The following NEK10 variants were observed in gnomAD, a reference collection of about 807,000 sequenced individuals.
The protein encoded by NEK10 is NIMA related kinase 10.
NEK10 carries 122 observed loss-of-function variants against 159.8 expected under a neutral mutation model. That is an observed-to-expected ratio of 0.76 (90% CI 0.66 to 0.89). The LOEUF is 0.89. Among genes scored for constraint, NEK10 ranks in the 40% least tolerant of loss-of-function variants. NEK10 has a pLI of 0.00. For synonymous variants in NEK10, 466 were observed against 457.1 expected (o/e 1.02, Z -0.25); for missense variants, 1,342 against 1,323.1 (o/e 1.01, Z -0.22).
chr3:27,293,764 G>T (rs1387080400), intron 15 of NEK10, 112 bp from the exon 16 acceptor site: 1 of 570,974 alleles, frequency 1.8e-6, no homozygotes, highest in Non-Finnish European at 3.1e-6. Context: ...GTAAGTGGCT[G>T]GTCCAAGTTG....
intron 35 of NEK10, among the ~76,000 whole-genome samples, 187 bp from the exon 36 acceptor site, chr3:27,111,507 G>T (rs961547143): frequency 6.6e-6 from 1 of 152,114 alleles, no homozygotes; most frequent in Non-Finnish European, 1.5e-5. Context: ...TGCTAACAAG[G>T]CCTTTCTCAA....
chr3:27,343,311 G>C (rs1201729770), intron 5 of NEK10, among the ~76,000 whole-genome samples: 2 of 152,192 alleles, frequency 1.3e-5, no homozygotes, highest in Admixed American at 1.3e-4. Context: ...TGGAGGACCT[G>C]TCAGAATGCT....
intron 30 of NEK10, among the ~76,000 whole-genome samples, chr3:27,144,942 G>A (rs1346238667): frequency 1.3e-5 from 2 of 151,894 alleles, no homozygotes; most frequent in African/African-American, 4.8e-5. Flanking sequence ...GGCTCGTCTT[G>A]AACTCCTGGC....
At chr3:27,244,816 T>G (rs1017823607) in intron 23 of NEK10, among the ~76,000 whole-genome samples, 1 of 152,166 alleles carries the variant, frequency 6.6e-6, no homozygotes, top group African/African-American at 2.4e-5. Flanking sequence ...ACTCCCACTA[T>G]GTGCCCACAC....
rs1037949948 is a variant in NEK10, at chr3:27,330,507, T to A, written c.363-8246A>T. 2.0e-5 allele frequency among the ~76,000 whole-genome samples: 3 copies of A among 152,180 alleles called. No individual in the cohort carries two copies. In the South Asian group the frequency reaches 6.2e-4, roughly 32 times the overall value. On this transcript the variant is annotated intron_variant, in intron 5 of 35. Coordinates refer to ENST00000691995, the MANE Select transcript of NEK10 (RefSeq NM_001394966.1). ...AAAAAGCATAAAATTGTTAAAAGATTAGAAGGAAATGTAGCAAAAGTTAAT... is the reference window on the plus strand; with the variant it reads ...AAAAAGCATAAAATTGTTAAAAGATAAGAAGGAAATGTAGCAAAAGTTAAT...
At position 27,293,710 on chromosome 3, in the gene NEK10, T is replaced by G. The variant is rs565395877; in HGVS notation, c.1309-58A>C. The G allele has an allele frequency of 8.5e-6, 8 of 946,634 alleles. No homozygotes were observed. In the East Asian group the frequency reaches 1.9e-4, roughly 23 times the overall value. 58.6% of individuals were successfully genotyped at this position (946,634 alleles called of 1,614,324 possible). A position where few individuals can be genotyped will look rare whatever the true frequency, so the allele number is the denominator to read the frequency against. ...GGTAGCTCAACAAATTAAAACATTT[T>G]CAGGAAAGAATTAACAGGAAGTAAA... On this transcript the variant is annotated intron_variant, in intron 15 of 35. Coordinates refer to ENST00000691995, the MANE Select transcript of NEK10 (RefSeq NM_001394966.1).
intron 30 of NEK10, among the ~76,000 whole-genome samples, chr3:27,152,382 C>A (rs1369931815): frequency 6.6e-6 from 1 of 152,096 alleles, no homozygotes; most frequent in African/African-American, 2.4e-5. Flanking sequence ...AACTTTGTAT[C>A]CAACAAAACT....
chr3:27,230,722 C>G (rs1235456382), intron 23 of NEK10, among the ~76,000 whole-genome samples: 1 of 151,836 alleles, frequency 6.6e-6, no homozygotes, highest in African/African-American at 2.4e-5. Flanking sequence ...AATAGCAATT[C>G]TTATATGAGA....
At chr3:27,299,312 G>A (rs2043613787) in intron 13 of NEK10, among the ~76,000 whole-genome samples, 1 of 152,208 alleles carries the variant, frequency 6.6e-6, no homozygotes, top group South Asian at 2.1e-4. Flanking sequence ...GAAGCCCCAA[G>A]CCTTGGCAGC....
At chr3:27,193,542 A>G (rs1296273976) in intron 25 of NEK10, among the ~76,000 whole-genome samples, 2 of 150,390 alleles carry the variant, frequency 1.3e-5, no homozygotes, top group African/African-American at 4.9e-5. Context: ...CACTTCCCCA[A>G]ATAGCACCTG....
intron 30 of NEK10, among the ~76,000 whole-genome samples, chr3:27,157,549 G>T (rs911042808): frequency 5.9e-5 from 9 of 152,292 alleles, no homozygotes; most frequent in African/African-American, 2.2e-4. Flanking sequence ...GCTTCTTAGG[G>T]ATGAGCAACA....
intron 6 of NEK10, among the ~76,000 whole-genome samples, chr3:27,317,379 C>T (rs1297541680): frequency 6.6e-6 from 1 of 152,162 alleles, no homozygotes; most frequent in Non-Finnish European, 1.5e-5. Context: ...CCTTTTAGCC[C>T]TCAGCATCTT....
Position 27,218,927 on chromosome 3 carries a change from C to T in NEK10, c.2091-16370G>A, listed in dbSNP as rs755327286. ...TAAAGACCAACAGCTTCCACTCAGA[C>T]GGGTAAATAACATGAATCTTGAAAA... is the stretch of plus-strand genomic sequence containing the variant. On this transcript the variant is annotated intron_variant, in intron 23 of 35. Transcript: ENST00000691995. Among the ~76,000 whole-genome samples, 14 of 152,258 alleles carry T rather than the reference C, an allele frequency of 9.2e-5. No individual in the cohort carries two copies. The South Asian group carries it at 1.0e-3, about 11-fold the overall frequency.
At chr3:27,150,318 G>A (rs755480292) in intron 30 of NEK10, among the ~76,000 whole-genome samples, 1 of 152,170 alleles carries the variant, frequency 6.6e-6, no homozygotes, top group Non-Finnish European at 1.5e-5. Flanking sequence ...TGCAAGTAGA[G>A]GCCATCTAGG....
In NEK10 at chr3:27,136,268, A is replaced by G. The variant is rs1438916316; in HGVS notation, c.2971-4278T>C. Among the ~76,000 whole-genome samples the G allele has an allele frequency of 2.0e-5, 3 of 151,152 alleles. No homozygotes were observed. The East Asian group carries it at 5.8e-4, about 29-fold the overall frequency. On this transcript the variant is annotated intron_variant, in intron 31 of 35. Transcript: ENST00000691995. ...GCTGGGACTACAGGCGCCCACCACCACGCCCGGCTAATTTTTTCTATTTTT... is the reference window on the plus strand; with the variant it reads ...GCTGGGACTACAGGCGCCCACCACCGCGCCCGGCTAATTTTTTCTATTTTT...
At chr3:27,248,213 G>A (rs1955290568) in intron 23 of NEK10, among the ~76,000 whole-genome samples, 1 of 151,968 alleles carries the variant, frequency 6.6e-6, no homozygotes, top group South Asian at 2.1e-4. Context: ...CAATTGTAAT[G>A]TCTCCTTTTT....
intron 23 of NEK10, among the ~76,000 whole-genome samples, chr3:27,224,660 T>C (rs762619742): frequency 1.6e-4 from 24 of 152,292 alleles, no homozygotes; most frequent in Admixed American, 6.5e-4. Context: ...CCCTTCTTTG[T>C]TTCTTGTTTT....
At chr3:27,263,036 G>GTCA (rs2040553724) in intron 22 of NEK10, among the ~76,000 whole-genome samples, 1 of 152,210 alleles carries the variant, frequency 6.6e-6, no homozygotes, top group South Asian at 2.1e-4. Context: ...CCTTCTAACA[G>GTCA]TCAGGACCCT....
At chr3:27,326,163 A>G (rs1341083346) in intron 5 of NEK10, among the ~76,000 whole-genome samples, 1 of 152,202 alleles carries the variant, frequency 6.6e-6, no homozygotes, top group Non-Finnish European at 1.5e-5. Flanking sequence ...TACTAAAAAT[A>G]TGGTTATTCT....
Sources: gnomAD v4.1 joint callset for allele counts (sites outside exome capture counted in the v4.1 genomes callset) on GRCh38, gnomAD v4.1.1 for gene constraint, MANE v1.5 for transcripts, NCBI Gene and HGNC (gene_info 2026-07-23, HGNC 2026-07-21) for gene names.